LMNTD1: variants seen among roughly 807,000 people sequenced by gnomAD.
The protein encoded by LMNTD1 is lamin tail domain containing 1, also known as lamin tail domain-containing protein 1.
In LMNTD1, 35 loss-of-function variants were observed where a neutral mutation model predicts 50.9. The ratio of observed to expected loss-of-function variants is 0.69; its 90% confidence interval spans 0.53 to 0.91. The LOEUF is 0.91. Among genes scored for constraint, LMNTD1 ranks in the 40% least tolerant of loss-of-function variants. The pLI is 0.00. For missense variants in LMNTD1, 470 were observed against 475.5 expected, an observed-to-expected ratio of 0.99 and a Z score of 0.11; for synonymous variants, 153 against 161.9, an observed-to-expected ratio of 0.94 and a Z score of 0.42.
chr12:25,495,923 C>T (rs1463769242), intron 9 of LMNTD1, among the ~76,000 whole-genome samples: 1 of 152,128 alleles, frequency 6.6e-6, no homozygotes, highest in Admixed American at 6.5e-5. Context: ...CTTAAATATA[C>T]CACATTTTTG....
chr12:25,513,614 TGA>T (rs1244742260), intron 8 of LMNTD1, among the ~76,000 whole-genome samples: 7 of 152,164 alleles, frequency 4.6e-5, no homozygotes, highest in East Asian at 1.9e-4. Context: ...CCAGCTACAG[TGA>T]GAGAGTCAGA....
At chr12:25,505,336 A>G (rs2135955526) in intron 8 of LMNTD1, among the ~76,000 whole-genome samples, 1 of 152,330 alleles carries the variant, frequency 6.6e-6, no homozygotes, top group Non-Finnish European at 1.5e-5. Context: ...ACTAAAGGAC[A>G]ATTTAAAACA....
At chr12:25,514,083 T>C (rs563083696) in intron 8 of LMNTD1, among the ~76,000 whole-genome samples, 4 of 152,222 alleles carry the variant, frequency 2.6e-5, no homozygotes, top group South Asian at 4.2e-4. Context: ...GAGTAAAAAG[T>C]TTAAGAAAAG....
intron 1 of LMNTD1, among the ~76,000 whole-genome samples, chr12:25,562,106 C>T (rs1013744170): frequency 4.6e-5 from 7 of 152,152 alleles, no homozygotes; most frequent in Admixed American, 3.9e-4. Flanking sequence ...CCACTCTGTG[C>T]CTTTTAATTG....
intron 1 of LMNTD1, among the ~76,000 whole-genome samples, chr12:25,631,990 T>TAGA (rs1352687196): frequency 6.6e-6 from 1 of 152,060 alleles, no homozygotes; most frequent in Non-Finnish European, 1.5e-5. Context: ...GACACACTTA[T>TAGA]AGAAATGTAA....
intron 1 of LMNTD1, among the ~76,000 whole-genome samples, chr12:25,596,394 A>G (rs971024650): frequency 6.6e-6 from 1 of 152,166 alleles, no homozygotes; most frequent in Non-Finnish European, 1.5e-5. Context: ...GAGGGGTTTC[A>G]TACCAGGGAT....
At chr12:25,574,713 T>C (rs1437793939) in intron 1 of LMNTD1, among the ~76,000 whole-genome samples, 1 of 152,166 alleles carries the variant, frequency 6.6e-6, no homozygotes, top group Non-Finnish European at 1.5e-5. Flanking sequence ...GTATGCCTTA[T>C]CTAATCATAA....
At chr12:25,533,847 G>C (rs1012742634) in intron 4 of LMNTD1, among the ~76,000 whole-genome samples, 2 of 152,214 alleles carry the variant, frequency 1.3e-5, no homozygotes, top group African/African-American at 2.4e-5. Context: ...TTGGGAAGAT[G>C]AGGATATTTG....
intron 1 of LMNTD1, among the ~76,000 whole-genome samples, chr12:25,598,861 AT>A (rs1339147355): frequency 6.6e-6 from 1 of 152,090 alleles, no homozygotes; most frequent in South Asian, 2.1e-4. Context: ...CATAAAAAAA[AT>A]GTCTCCCAGT....
intron 4 of LMNTD1, among the ~76,000 whole-genome samples, chr12:25,542,840 A>G (rs967252703): frequency 3.3e-5 from 5 of 151,684 alleles, no homozygotes; most frequent in African/African-American, 9.7e-5. Flanking sequence ...GGGGAAACCA[A>G]TATAACCAAA....
intron 1 of LMNTD1, among the ~76,000 whole-genome samples, chr12:25,570,356 A>G (rs1273879996): frequency 1.3e-5 from 2 of 152,218 alleles, no homozygotes; most frequent in African/African-American, 4.8e-5. Context: ...GAAAGACTTT[A>G]TAGAAGAGGT....
upstream of LMNTD1, among the ~76,000 whole-genome samples, chr12:25,554,888 AC>A (rs1450579601): frequency 6.6e-6 from 1 of 151,822 alleles, no homozygotes; most frequent in Non-Finnish European, 1.5e-5. Flanking sequence ...ACATGATGAA[AC>A]CCCGTCTCTA....
intron 1 of LMNTD1, among the ~76,000 whole-genome samples, chr12:25,579,706 T>C (rs774986363): frequency 3.3e-5 from 5 of 152,132 alleles, no homozygotes; most frequent in Admixed American, 1.3e-4. Flanking sequence ...ACTAAATTGC[T>C]CAAGCCAAGA....
At chr12:25,629,379 C>T (rs537764757) in intron 1 of LMNTD1, among the ~76,000 whole-genome samples, 3 of 152,162 alleles carry the variant, frequency 2.0e-5, no homozygotes, top group Non-Finnish European at 2.9e-5. Flanking sequence ...GCCCCTAACT[C>T]GTAAAGTGGA....
At chr12:25,563,192 C>A (rs1022873496) in intron 1 of LMNTD1, among the ~76,000 whole-genome samples, 4 of 152,230 alleles carry the variant, frequency 2.6e-5, no homozygotes, top group Admixed American at 6.5e-5. Context: ...TGGCGAGTAG[C>A]TGCGTTCCTT....
At chr12:25,643,759 A>C (rs991985847) in intron 1 of LMNTD1, among the ~76,000 whole-genome samples, 1 of 152,208 alleles carries the variant, frequency 6.6e-6, no homozygotes, top group Non-Finnish European at 1.5e-5. Flanking sequence ...GCTGTTGGAC[A>C]GGATCCTGAT....
rs561376035 is a variant in LMNTD1, at chr12:25,631,550, CA to C, written c.58+16943del. 1.8e-4 allele frequency among the ~76,000 whole-genome samples: 28 copies of C among 152,276 alleles called. No homozygotes were observed. In the East Asian group the frequency reaches 5.4e-3, roughly 29 times the overall value. ...GTAGCTAGACCCAGAAGAGAGACAA[CA>C]ATCACTGCAGTTCGGCTCACAGGAA... On this transcript the variant is annotated intron_variant, in intron 1 of 7. Transcript: ENST00000445693.
chr12:25,584,358 C>A (rs868042983), intron 1 of LMNTD1, among the ~76,000 whole-genome samples: 1 of 152,232 alleles, frequency 6.6e-6, no homozygotes, highest in Non-Finnish European at 1.5e-5. Context: ...GCCTTGAGCA[C>A]TGCTCAGTGT....
intron 9 of LMNTD1, among the ~76,000 whole-genome samples, chr12:25,498,455 C>T (rs1939189379): frequency 6.6e-6 from 1 of 152,074 alleles, no homozygotes; most frequent in Non-Finnish European, 1.5e-5. Context: ...CTGAATTAAC[C>T]CCATACTTCA....
Sources: allele counts gnomAD v4.1 joint callset (sites outside exome capture counted in the v4.1 genomes callset), GRCh38; gene constraint gnomAD v4.1.1; transcripts MANE v1.5; gene names NCBI Gene and HGNC (gene_info 2026-07-23, HGNC 2026-07-21).